Variants in DLG2 observed in about 807,000 individuals in gnomAD.
DLG2 encodes the protein discs large MAGUK scaffold protein 2.
A neutral mutation model predicts 132.5 loss-of-function variants in DLG2; 45 were observed. The observed-to-expected ratio is 0.34, with a 90% confidence interval of 0.27 to 0.44. DLG2 has a LOEUF of 0.44. DLG2 is among the 20% of genes least tolerant of loss of function. DLG2 has a pLI of 1.00. For synonymous variants in DLG2, 424 were observed against 419.6 expected (o/e 1.01, Z -0.13); for missense variants, 1,045 against 1,196.9 (o/e 0.87, Z 1.87).
chr11:83,588,243 C>G (rs1431593554), intron 19 of DLG2, among the ~76,000 whole-genome samples: 1 of 150,970 alleles, frequency 6.6e-6, no homozygotes, highest in Non-Finnish European at 1.5e-5. Context: ...TGTCTGACAG[C>G]TTTGAAGAGA....
chr11:84,867,332 T>TG (rs2084728493), intron 6 of DLG2, among the ~76,000 whole-genome samples: 1 of 152,156 alleles, frequency 6.6e-6, no homozygotes, highest in Non-Finnish European at 1.5e-5. Flanking sequence ...AGTGGGAGTA[T>TG]GGACTCCTTT....
At chr11:85,291,228 CT>C (rs1456746453) in intron 3 of DLG2, among the ~76,000 whole-genome samples, 1 of 152,080 alleles carries the variant, frequency 6.6e-6, no homozygotes, top group Non-Finnish European at 1.5e-5. Context: ...AATCATGAGG[CT>C]TTTTTCTTGT....
intron 7 of DLG2, among the ~76,000 whole-genome samples, chr11:84,468,786 A>C (rs2099101293): frequency 6.6e-6 from 1 of 151,694 alleles, no homozygotes; most frequent in Non-Finnish European, 1.5e-5. Flanking sequence ...TTAATATACA[A>C]ACCAAGTTCC....
chr11:85,534,986 A>G (rs2075479210), intron 3 of DLG2, among the ~76,000 whole-genome samples: 1 of 151,998 alleles, frequency 6.6e-6, no homozygotes, highest in Admixed American at 6.6e-5. Context: ...TTTCTCCACA[A>G]CCTCACCAAC....
rs532336317 is a variant in DLG2, at chr11:84,658,467, T to A, written c.358-123736A>T. 2.2e-4 allele frequency among the ~76,000 whole-genome samples: 33 copies of A among 152,230 alleles called. 1 individual carries two copies. The highest frequency in any genetic ancestry group is 6.3e-4 in the African/African-American group (26 of 41,570). On this transcript the variant is annotated intron_variant, in intron 6 of 27. Coordinates refer to ENST00000376104, the MANE Select transcript of DLG2 (RefSeq NM_001142699.3). ...GGATTTATGCCCTTATAAAAGAAAC[T>A]GTAGAGGGCTCCTGATATGGTTTGA... is the stretch of plus-strand genomic sequence containing the variant.
In DLG2 at chr11:84,621,473, G is replaced by A. The variant is rs1409750720; in HGVS notation, c.358-86742C>T. On this transcript the variant is annotated intron_variant, in intron 6 of 27. Coordinates refer to ENST00000376104, the MANE Select transcript of DLG2 (RefSeq NM_001142699.3). Reference sequence around the variant, plus strand: ...TGGGATCACCATATTATAGATTCATGTTTTGGCCTGAAAAATAAATGAGCC... The same window carrying A: ...TGGGATCACCATATTATAGATTCATATTTTGGCCTGAAAAATAAATGAGCC... 2.0e-5 allele frequency among the ~76,000 whole-genome samples: 3 copies of A among 152,124 alleles called. No homozygotes were observed. In the East Asian group the frequency reaches 5.8e-4, roughly 29 times the overall value.
At chr11:84,466,925 G>T (rs1398354266) in intron 7 of DLG2, among the ~76,000 whole-genome samples, 3 of 151,210 alleles carry the variant, frequency 2.0e-5, no homozygotes, top group African/African-American at 7.3e-5. Flanking sequence ...ATAAAAGCAA[G>T]AAATTTTAAG....
rs139338271 is a variant in DLG2 at position 84,754,773 on chromosome 11, C to A, written c.358-220042G>T. Among the ~76,000 whole-genome samples, 14 of 152,210 alleles carry A rather than the reference C, an allele frequency of 9.2e-5. No homozygotes were observed. The East Asian group carries it at 2.7e-3, about 29-fold the overall frequency. ...GTGCAAAACCAAGAGTAAACCTTAG[C>A]GTGAACCATGGACTTAGGTGATTAT... On this transcript the variant is annotated intron_variant, in intron 6 of 27. Transcript: ENST00000376104.
intron 7 of DLG2, among the ~76,000 whole-genome samples, chr11:84,497,920 C>A (rs150734536): frequency 2.0e-4 from 31 of 152,146 alleles, no homozygotes; most frequent in African/African-American, 7.5e-4. Flanking sequence ...GGCTTGTAAC[C>A]AACTGGCAAT....
At chr11:84,674,604 A>T (rs2099709351) in intron 6 of DLG2, among the ~76,000 whole-genome samples, 1 of 152,104 alleles carries the variant, frequency 6.6e-6, no homozygotes, top group African/African-American at 2.4e-5. Flanking sequence ...CATGGCCTCT[A>T]TTGACCACTG....
At chr11:84,244,850 AACAC>A (rs1444730640) in intron 8 of DLG2, among the ~76,000 whole-genome samples, 9 of 152,238 alleles carry the variant, frequency 5.9e-5, no homozygotes, top group African/African-American at 2.2e-4. Flanking sequence ...GGTTCAAAGG[AACAC>A]ACATATTTCT....
chr11:84,203,450 C>T (rs1006671794), intron 8 of DLG2, among the ~76,000 whole-genome samples: 7 of 151,806 alleles, frequency 4.6e-5, no homozygotes, highest in African/African-American at 1.5e-4. Context: ...GGCGTGGTGG[C>T]GGGTGCCTGT....
At chr11:83,936,216 A>G (rs1352156327) in intron 14 of DLG2, among the ~76,000 whole-genome samples, 1 of 152,222 alleles carries the variant, frequency 6.6e-6, no homozygotes, top group African/African-American at 2.4e-5. Flanking sequence ...GTAACAATCG[A>G]TGGCTTTTAG....
chr11:84,859,735 C>T (rs2083360436), intron 6 of DLG2, among the ~76,000 whole-genome samples: 2 of 151,624 alleles, frequency 1.3e-5, no homozygotes, highest in South Asian at 4.1e-4. Flanking sequence ...AGCAAAATAC[C>T]TCTGATCTCT....
In DLG2 at chr11:85,285,228, A is replaced by C. The variant is rs2078483241; in HGVS notation, c.178T>G (p.Ser60Ala). The change falls in exon 4 of 28, where the codon TCT becomes GCT. Residue 60 changes from serine to alanine, a missense_variant. Transcript: ENST00000376104. ...LAPCHDRLQK[S>A]SELTDCSGSK... The stretch of plus-strand genomic sequence containing the variant: ...AAGTTTCAGTAGTATACCTCTGAAG[A>C]TTTTTGAAGTCTGTCATGGCACGGA... 4.3e-6 allele frequency: 7 copies of C among 1,611,184 alleles called. No individual in the cohort carries two copies. In the Middle Eastern group the frequency reaches 5.0e-4, roughly 114 times the overall value.
intron 3 of DLG2, among the ~76,000 whole-genome samples, chr11:85,465,457 C>A (rs1289859212): frequency 3.3e-5 from 5 of 151,910 alleles, no homozygotes; most frequent in African/African-American, 1.2e-4. Context: ...CCTCCCCGCT[C>A]CCCCCACCCC....
chr11:84,410,556 T>G (rs1176958345), intron 7 of DLG2, among the ~76,000 whole-genome samples: 2 of 151,856 alleles, frequency 1.3e-5, no homozygotes, highest in African/African-American at 4.8e-5. Context: ...AACAATCATT[T>G]TTTAAAAACC....
intron 2 of DLG2, 67 bp from the exon 3 acceptor site, chr11:85,598,855 T>C: frequency 2.3e-6 from 1 of 440,742 alleles, no homozygotes; most frequent in Non-Finnish European, 3.9e-6. Flanking sequence ...CATTAAACTA[T>C]TCTATAATTG....
At chr11:84,539,911 G>A (rs901735295) in intron 6 of DLG2, among the ~76,000 whole-genome samples, 2 of 152,072 alleles carry the variant, frequency 1.3e-5, no homozygotes, top group African/African-American at 2.4e-5. Context: ...TCTGATCTTT[G>A]ACAAATCTGA....
Sources: gnomAD v4.1 joint callset for allele counts (sites outside exome capture counted in the v4.1 genomes callset) on GRCh38, gnomAD v4.1.1 for gene constraint, MANE v1.5 for transcripts, NCBI Gene and HGNC (gene_info 2026-07-23, HGNC 2026-07-21) for gene names.